GDA: variants seen among roughly 807,000 people sequenced by gnomAD.
GDA encodes cytoplasmic PSD-95 interactor.
In GDA, 18 loss-of-function variants were observed where a neutral mutation model predicts 59.6. The observed-to-expected ratio is 0.30, with a 90% CI of 0.21 to 0.45. The LOEUF (loss-of-function observed/expected upper bound fraction) is 0.45, where lower values mean the gene tolerates loss of function less well. Among genes scored for constraint, GDA ranks in the 20% least tolerant of loss-of-function variants. The pLI, the probability that GDA is intolerant of heterozygous loss-of-function variation, is 1.00. For missense variants in GDA, 427 were observed against 552.3 expected (o/e 0.77, Z 2.27); for synonymous variants, 201 against 201.1 (o/e 1.00, Z 0.00).
At chr9:72,149,746 C>G in intron 1 of GDA, 64 bp downstream of exon 1, 10 of 1,478,932 alleles carry the variant, frequency 6.8e-6, no homozygotes, top group Non-Finnish European at 8.1e-6. Flanking sequence ...GAACCTGGCG[C>G]GGTGCTTCGC....
chr9:72,159,120 T>C (rs1828298200), intron 1 of GDA, among the ~76,000 whole-genome samples: 1 of 152,054 alleles, frequency 6.6e-6, no homozygotes, highest in Non-Finnish European at 1.5e-5. Flanking sequence ...ACAAAGTAGG[T>C]GGTCAGTAAA....
intron 1 of GDA, among the ~76,000 whole-genome samples, chr9:72,125,937 G>C (rs1026067871): frequency 6.6e-6 from 1 of 152,108 alleles, no homozygotes; most frequent in African/African-American, 2.4e-5. Context: ...GTTTGTTTGA[G>C]ACAGAGTCTC....
At chr9:72,133,926 G>C (rs1486206934) in intron 1 of GDA, among the ~76,000 whole-genome samples, 1 of 152,128 alleles carries the variant, frequency 6.6e-6, no homozygotes, top group East Asian at 1.9e-4. Context: ...CTATCATCAG[G>C]TTCCAAGGTT....
upstream of GDA, among the ~76,000 whole-genome samples, chr9:72,145,757 A>G (rs564368632): frequency 1.3e-4 from 20 of 152,330 alleles, no homozygotes; most frequent in South Asian, 2.7e-3. Context: ...ATTTTTCTCT[A>G]TGTCTGAACA....
intron 1 of GDA, among the ~76,000 whole-genome samples, chr9:72,141,027 G>GGTAA (rs1222714983): frequency 2.6e-5 from 4 of 152,130 alleles, no homozygotes; most frequent in Non-Finnish European, 5.9e-5. Context: ...AGCATATTTT[G>GGTAA]GTAATATGGA....
intron 1 of GDA, among the ~76,000 whole-genome samples, chr9:72,164,494 G>A (rs1829042651): frequency 6.6e-6 from 1 of 152,102 alleles, no homozygotes; most frequent in Non-Finnish European, 1.5e-5. Context: ...ATGATTGGAA[G>A]ATAAGGACAT....
upstream of GDA, among the ~76,000 whole-genome samples, chr9:72,147,870 G>C (rs140006795): frequency 2.4e-3 from 367 of 152,326 alleles, 1 homozygote; most frequent in Non-Finnish European, 2.7e-3. Flanking sequence ...GCAGGGACAA[G>C]TGTAATGACC....
At chr9:72,213,665 C>T (rs374245560) in intron 4 of GDA, among the ~76,000 whole-genome samples, 221 of 151,660 alleles carry the variant, frequency 1.5e-3, no homozygotes, top group Admixed American at 3.1e-3. Flanking sequence ...TAGCCGGGCG[C>T]GGTGGCGGGC....
chr9:72,137,840 A>G (rs1826297931), intron 1 of GDA, among the ~76,000 whole-genome samples: 2 of 152,026 alleles, frequency 1.3e-5, no homozygotes, highest in South Asian at 2.1e-4. Flanking sequence ...TGGGGAGTGT[A>G]AGAATTAAAT....
At chr9:72,129,503 A>T (rs770546725) in intron 1 of GDA, among the ~76,000 whole-genome samples, 7 of 152,204 alleles carry the variant, frequency 4.6e-5, no homozygotes, top group Non-Finnish European at 1.0e-4. Context: ...GTTGAATCAC[A>T]CATAGGATAA....
chr9:72,155,741 T>G (rs1047591874), intron 1 of GDA, among the ~76,000 whole-genome samples: 3 of 152,228 alleles, frequency 2.0e-5, no homozygotes, highest in African/African-American at 7.2e-5. Flanking sequence ...GATAGGAGCC[T>G]GTTGCAGTAT....
chr9:72,191,315 A>G (rs1273863862), intron 1 of GDA, among the ~76,000 whole-genome samples: 1 of 152,164 alleles, frequency 6.6e-6, no homozygotes, highest in Non-Finnish European at 1.5e-5. Context: ...AGAAAAAGGG[A>G]AAGTGGGACT....
In GDA at chr9:72,231,145, G is replaced by C. The variant is rs778077706; in HGVS notation, c.952G>C (p.Val318Leu). ...CAGTGGATTTCTAAATGTGCTAGAA[G>C]TCCTGAAACATGAAGTCAAGATAGG... ...LSSGFLNVLE[V>L]LKHEVKIGLG... The change falls in exon 10 of 14, where the codon GTC becomes CTC. Residue 318 changes from valine to leucine, a missense_variant. Coordinates refer to ENST00000358399, the MANE Select transcript of GDA (RefSeq NM_004293.5). The C allele has an allele frequency of 6.3e-7, 1 of 1,597,550 alleles. No homozygotes were observed. Among genetic ancestry groups the C allele is most frequent in the Non-Finnish European group, 8.6e-7 (1 of 1,165,026 alleles).
intron 1 of GDA, among the ~76,000 whole-genome samples, chr9:72,157,030 C>CTTTTT (rs544126638): frequency 1.9e-5 from 2 of 104,074 alleles, no homozygotes; most frequent in Non-Finnish European, 3.7e-5. Context: ...TCTAGACTTC[C>CTTTTT]TTTTTTTTTT....
chr9:72,181,340 AT>A (rs1327270160), intron 1 of GDA, among the ~76,000 whole-genome samples: 2 of 151,042 alleles, frequency 1.3e-5, no homozygotes, highest in South Asian at 2.1e-4. Context: ...TACTTTCACA[AT>A]TTTTTTTGTG....
chr9:72,174,205 C>A (rs1830296787), intron 1 of GDA, among the ~76,000 whole-genome samples: 1 of 152,092 alleles, frequency 6.6e-6, no homozygotes, highest in African/African-American at 2.4e-5. Flanking sequence ...TAAGACTGTG[C>A]CAGGCACTGA....
intron 1 of GDA, among the ~76,000 whole-genome samples, chr9:72,169,756 C>G (rs1169908728): frequency 6.6e-6 from 1 of 152,126 alleles, no homozygotes; most frequent in Non-Finnish European, 1.5e-5. Context: ...TGCAGTCAAT[C>G]TGATAACAAA....
chr9:72,170,094 G>A (rs1232323317), intron 1 of GDA, among the ~76,000 whole-genome samples: 1 of 152,130 alleles, frequency 6.6e-6, no homozygotes, highest in African/African-American at 2.4e-5. Context: ...TTAATATTAC[G>A]GGATATGACA....
At chr9:72,257,823 T>A (rs1486842698), downstream of GDA, 1 of 152,114 alleles carries the variant, frequency 6.6e-6, no homozygotes, top group Non-Finnish European at 1.5e-5. Flanking sequence ...TCCCAGCTAC[T>A]CAGGAGGCTG....
Sources: allele counts gnomAD v4.1 joint callset (sites outside exome capture counted in the v4.1 genomes callset), GRCh38; gene constraint gnomAD v4.1.1; transcripts MANE v1.5; gene names NCBI Gene and HGNC (gene_info 2026-07-23, HGNC 2026-07-21).